Variants in SLC25A14 observed in about 807,000 individuals in gnomAD.
The protein encoded by SLC25A14 is solute carrier family 25 member 14.
A neutral mutation model predicts 28.1 loss-of-function variants in SLC25A14; 8 were observed. That is an observed-to-expected ratio of 0.28 (90% CI 0.17 to 0.51). SLC25A14 has a LOEUF of 0.51. SLC25A14 is among the 20% of genes least tolerant of loss of function. SLC25A14 has a pLI of 0.97. For missense variants in SLC25A14, 135 were observed against 263.8 expected (o/e 0.51, Z 3.38); for synonymous variants, 74 against 90.6 (o/e 0.82, Z 1.04).
chrX:130,351,698 T>C (rs1237909974), intron 6 of SLC25A14, among the ~76,000 whole-genome samples: 4 of 111,426 alleles, frequency 3.6e-5, no homozygotes. Flanking sequence ...TTTTTTAAAT[T>C]TGACCACTAG....
At chrX:130,366,276 A>C (rs2034115060) in intron 9 of SLC25A14, among the ~76,000 whole-genome samples, 1 of 112,616 alleles carries the variant, frequency 8.9e-6, no homozygotes, top group Non-Finnish European at 1.9e-5. Flanking sequence ...TTATTACAAA[A>C]GTACTATAGG....
chrX:130,343,659 C>T (rs1371856484), intron 2 of SLC25A14, among the ~76,000 whole-genome samples: 1 of 106,381 alleles, frequency 9.4e-6, no homozygotes, highest in Non-Finnish European at 1.9e-5. Flanking sequence ...TACTGTGACT[C>T]ATAGCTGCTA....
intron 7 of SLC25A14, among the ~76,000 whole-genome samples, chrX:130,363,633 A>G (rs980836367): frequency 8.9e-6 from 1 of 112,402 alleles, no homozygotes; most frequent in African/African-American, 3.2e-5. Context: ...ATTGTTTTCC[A>G]CAGTGGCTGC....
At chrX:130,360,449 C>T (rs5977244) in intron 7 of SLC25A14, among the ~76,000 whole-genome samples, 6,071 of 110,920 alleles carry the variant, frequency 0.055, 427 homozygotes, top group African/African-American at 0.19. Context: ...GGTAAGATGA[C>T]GTCCACCAGA....
chrX:130,361,539 T>C (rs2033964839), intron 7 of SLC25A14, among the ~76,000 whole-genome samples: 1 of 112,945 alleles, frequency 8.9e-6, no homozygotes, highest in Non-Finnish European at 1.9e-5. Context: ...GTGCTCATCT[T>C]TGTTTATCTT....
chrX:130,358,153 A>AT (rs773035183), intron 6 of SLC25A14, among the ~76,000 whole-genome samples: 110 of 111,536 alleles, frequency 9.9e-4, no homozygotes, highest in African/African-American at 3.4e-3. Context: ...GTACTTCGCA[A>AT]TTTTTTTTCT....
intron 6 of SLC25A14, among the ~76,000 whole-genome samples, chrX:130,353,279 G>A (rs2033675745): frequency 9.0e-6 from 1 of 111,528 alleles, no homozygotes; most frequent in Admixed American, 9.5e-5. Flanking sequence ...CACCTCCTAT[G>A]GCCTGGCCTT....
At chrX:130,362,614 G>A (rs1281665869) in intron 7 of SLC25A14, among the ~76,000 whole-genome samples, 2 of 111,972 alleles carry the variant, frequency 1.8e-5, no homozygotes, top group Non-Finnish European at 3.8e-5. Context: ...ATTTGGCCTG[G>A]TGTGTATACC....
At chrX:130,346,468 G>A in intron 3 of SLC25A14, 76 bp from the exon 4 acceptor site, 1 of 872,190 alleles carries the variant, frequency 1.1e-6, no homozygotes, top group Non-Finnish European at 1.7e-6. Flanking sequence ...TTCAAATATT[G>A]TCCTTGGCTT....
chrX:130,340,475 A>G, intron 2 of SLC25A14, 122 bp downstream of exon 2: 1 of 757,079 alleles, frequency 1.3e-6, no homozygotes. Flanking sequence ...AATGCAGTTC[A>G]GTTACTTGAT....
intron 4 of SLC25A14, among the ~76,000 whole-genome samples, chrX:130,347,679 T>C (rs1603256978): frequency 8.9e-6 from 1 of 111,764 alleles, no homozygotes; most frequent in African/African-American, 3.2e-5. Context: ...TAGAGGTTGA[T>C]TTTTTTAAAA....
At chrX:130,341,922 G>A (rs2033273528) in intron 2 of SLC25A14, among the ~76,000 whole-genome samples, 1 of 111,783 alleles carries the variant, frequency 8.9e-6, no homozygotes, top group Non-Finnish European at 1.9e-5. Flanking sequence ...CATACACAGG[G>A]TGTGTAGCAT....
At chrX:130,356,926 T>C (rs942698027) in intron 6 of SLC25A14, among the ~76,000 whole-genome samples, 1 of 112,027 alleles carries the variant, frequency 8.9e-6, no homozygotes, top group Non-Finnish European at 1.9e-5. Context: ...CTCTAGTGTG[T>C]ACCCCACTCC....
At chrX:130,359,784 T>C in intron 7 of SLC25A14, among the ~76,000 whole-genome samples, 1 of 111,454 alleles carries the variant, frequency 9.0e-6, no homozygotes, top group Admixed American at 9.5e-5. Flanking sequence ...GAGCTGGATT[T>C]GATGGCTGTT....
chrX:130,359,011 A>G (rs1433441054), intron 7 of SLC25A14: 1 of 1,036,140 alleles, frequency 9.7e-7, no homozygotes, highest in Admixed American at 2.8e-5. Flanking sequence ...TTTTTTTGCA[A>G]GTTCTGTACT....
rs745498619 is a variant in SLC25A14, at chrX:130,365,654, G to A, written c.833G>A (p.Gly278Asp). 8.3e-7 allele frequency: 1 copy of A among 1,208,743 alleles called. No homozygotes were observed. The highest frequency in any genetic ancestry group is 1.8e-5 in the South Asian group (1 of 56,776). ...GTGGGACATGTGGATCTCTATAAGG[G>A]CACTGTTGATGGTATTTTAAAGGTA... Reference protein sequence around the residue: ...AIVGHVDLYKGTVDGILKMWK... With the variant: ...AIVGHVDLYKDTVDGILKMWK... Residue 278 changes from glycine (G) to aspartate (D), a missense_variant, in exon 9 of 11, where the codon GGC (glycine) becomes GAC (aspartate). Transcript: ENST00000545805.
intron 10 of SLC25A14, 22 bp downstream of exon 10, chrX:130,371,666 G>C: frequency 9.1e-7 from 1 of 1,099,483 alleles, no homozygotes; most frequent in Non-Finnish European, 1.3e-6. Flanking sequence ...GAGAATGAAA[G>C]CAAGTGCTTC....
intron 4 of SLC25A14, among the ~76,000 whole-genome samples, chrX:130,348,780 A>ACCCCC (rs3084881): frequency 2.2e-5 from 1 of 46,315 alleles, no homozygotes. Flanking sequence ...TTGAGACTCT[A>ACCCCC]CCCCCCCCCC....
intron 7 of SLC25A14, among the ~76,000 whole-genome samples, chrX:130,363,253 A>G (rs1232998304): frequency 1.8e-5 from 2 of 112,139 alleles, no homozygotes; most frequent in Non-Finnish European, 3.8e-5. Context: ...TTCTGTCTCT[A>G]TAGATTTACC....
Sources: allele counts gnomAD v4.1 joint callset (sites outside exome capture counted in the v4.1 genomes callset), GRCh38; gene constraint gnomAD v4.1.1; transcripts MANE v1.5; gene names NCBI Gene and HGNC (gene_info 2026-07-23, HGNC 2026-07-21).